Variants in SIGIRR observed in about 807,000 individuals in gnomAD.
The protein encoded by SIGIRR is single Ig IL-1-related receptor.
A neutral mutation model predicts 45.6 loss-of-function variants in SIGIRR; 41 were observed. The ratio of observed to expected loss-of-function variants is 0.90; its 90% CI spans 0.70 to 1.17. The LOEUF (loss-of-function observed/expected upper bound fraction) is 1.17. Among genes scored for constraint, SIGIRR ranks in the 50% most tolerant of loss-of-function variants. The pLI, the probability that SIGIRR is intolerant of heterozygous loss-of-function variation, is 0.00. For synonymous variants in SIGIRR, 298 were observed against 239.0 expected, an observed-to-expected ratio of 1.25 and a Z score of -2.28; for missense variants, 599 against 539.6, an observed-to-expected ratio of 1.11 and a Z score of -1.09.
chr11:412,936 C>G (rs991673977), intron 1 of SIGIRR, among the ~76,000 whole-genome samples: 1 of 152,184 alleles, frequency 6.6e-6, no homozygotes, highest in Non-Finnish European at 1.5e-5. Flanking sequence ...CCACACACAC[C>G]TCAAGTCTCC....
chr11:409,985 G>C lies in SIGIRR; in HGVS notation c.-111C>G. ...CAAGAGCTGGGCAGGACTCCTCTCT[G>C]TCCTTGCAGTCAGCTGGACAGGGCA... On this transcript the variant is annotated 5_prime_UTR_variant, in exon 2 of 10. Transcript: ENST00000431843. The C allele has an allele frequency of 8.0e-7, 1 of 1,248,378 alleles. No homozygotes were observed. The allele number at this position is 1,248,378 out of a possible 1,614,324, so 77.3% of individuals were successfully genotyped here.
chr11:405,773 T>C lies in SIGIRR; in HGVS notation c.*123A>G, dbSNP rs112070849. ...GGGAGGCGCCCTGAGGCCACAGCCTTTTCCCAGGGCTGCTGGCAGGGTCCC... is the reference window on the plus strand; with the variant it reads ...GGGAGGCGCCCTGAGGCCACAGCCTCTTCCCAGGGCTGCTGGCAGGGTCCC... On this transcript the variant is annotated 3_prime_UTR_variant, in exon 10 of 10. Coordinates refer to ENST00000431843, the MANE Select transcript of SIGIRR (RefSeq NM_001135054.2). 2 of 1,270,282 alleles carry C rather than the reference T, an allele frequency of 1.6e-6. No homozygotes were observed. The highest frequency in any genetic ancestry group is 2.1e-6 in the Non-Finnish European group (2 of 936,302). The allele number at this position is 1,270,282 out of a possible 1,614,324, so 78.7% of individuals were successfully genotyped here. A position where few individuals can be genotyped will look rare whatever the true frequency, so the allele number is the denominator to read the frequency against.
In SIGIRR at chr11:407,115, G is replaced by GTCCTC; in HGVS notation, c.674_675insGAGGA (p.Ile225MetfsTer11). On this transcript the variant is annotated frameshift_variant, in exon 7 of 10. Coordinates refer to ENST00000431843, the MANE Select transcript of SIGIRR (RefSeq NM_001135054.2). LOFTEE classifies it high-confidence loss of function. ...TCAGGAAGGCGTCCGAAAGCACCAC[G>GTCCTC]ATGAGGCGTCGGCAGCGGCTCAGGT... 6.5e-7 allele frequency: 1 copy of GTCCTC among 1,544,496 alleles called. No individual in the cohort carries two copies.
In SIGIRR at chr11:408,962, G is replaced by C. The variant is rs527529678; in HGVS notation, c.8-69C>G. 14 of 1,440,376 alleles carry C rather than the reference G, an allele frequency of 9.7e-6. No individual in the cohort carries two copies. The South Asian group carries it at 1.5e-4, about 15-fold the overall frequency. The allele number at this position is 1,440,376 out of a possible 1,614,324, so 89.2% of individuals were successfully genotyped here. On this transcript the variant is annotated intron_variant, in intron 2 of 9. Transcript: ENST00000431843. ...GGCCCCACCACCTCCACAGTGGTCC[G>C]TGGTGCAGGAAGAAATAAGGCCTCT...
At chr11:408,389 C>T (rs1430035851) in intron 3 of SIGIRR, among the ~76,000 whole-genome samples, 183 bp from the exon 4 acceptor site, 1 of 152,170 alleles carries the variant, frequency 6.6e-6, no homozygotes, top group Non-Finnish European at 1.5e-5. Context: ...AACAGCCGTC[C>T]CAGTCCTGGG....
rs140291506 is a variant in SIGIRR, at chr11:405,958, C to G, written c.1171G>C (p.Gly391Arg). Residue 391 changes from glycine (G) to arginine (R), a missense_variant, in exon 10 of 10, where the codon GGC (glycine) becomes CGC (arginine). Gly to Arg is a moderately radical substitution (Grantham distance 125). Transcript: ENST00000431843. ...RSSEVDVSDL[G>R]SRNYSARTDF... is the part of the protein sequence containing the mutation. ...GTGCGGGCACTGTAGTTTCGCGAGC[C>G]GAGATCCGAGACGTCCACTTCGCTG... 8.2e-4 allele frequency: 1,325 copies of G among 1,612,220 alleles called. 2 individuals are homozygous for G. Among genetic ancestry groups the G allele is most frequent in the Non-Finnish European group, 1.0e-3 (1,206 of 1,179,618 alleles).
In SIGIRR at chr11:406,368, C is replaced by G. The variant is rs750225540; in HGVS notation, c.1050G>C (p.Pro350=). The change falls in exon 9 of 10, where the codon CCG becomes CCC. Residue 350 remains proline (P), a synonymous_variant. Coordinates refer to ENST00000431843, the MANE Select transcript of SIGIRR (RefSeq NM_001135054.2). ...EGRALDSEVD[P]DPEGDLGVRG... ...GCATACCCAGGTCGCCCTCAGGGTC[C>G]GGGTCCACCTCTGAGTCCAGGGCCC... The G allele has an allele frequency of 6.2e-7, 1 of 1,612,526 alleles. No individual in the cohort carries two copies. The highest frequency in any genetic ancestry group is 8.5e-7 in the Non-Finnish European group (1 of 1,179,806).
chr11:407,132 G>C lies in SIGIRR; in HGVS notation c.658C>G (p.Arg220Gly), dbSNP rs1404114406. Reference sequence around the variant, plus strand: ...AGCACCACGATGAGGCGTCGGCAGCGGCTCAGGTTCACCAAGAGGTCGGCG... The same window carrying C: ...AGCACCACGATGAGGCGTCGGCAGCCGCTCAGGTTCACCAAGAGGTCGGCG... ...PSADLLVNLS[R>G]CRRLIVVLSD... is the part of the protein sequence containing the mutation. The change falls in exon 7 of 10, where the codon CGC becomes GGC. Residue 220 changes from arginine to glycine, a missense_variant. Physicochemically the swap from Arg to Gly is moderately radical, Grantham distance 125. Coordinates refer to ENST00000431843, the MANE Select transcript of SIGIRR (RefSeq NM_001135054.2). 8 of 1,555,634 alleles carry C rather than the reference G, an allele frequency of 5.1e-6. No homozygotes were observed. Among genetic ancestry groups the C allele is most frequent in the East Asian group, 5.0e-5 (2 of 40,156 alleles).
At chr11:411,714 GT>G (rs551140775) in intron 1 of SIGIRR, among the ~76,000 whole-genome samples, 19 of 39,380 alleles carry the variant, frequency 4.8e-4, no homozygotes, top group African/African-American at 1.4e-3. Context: ...GATACAGTCG[GT>G]GGGGGGGGGG....
At chr11:416,593 C>G (rs1426562119), upstream of SIGIRR, among the ~76,000 whole-genome samples, 1 of 152,166 alleles carries the variant, frequency 6.6e-6, no homozygotes, top group East Asian at 1.9e-4. The surrounding 1 kb of genome is among the most constrained non-coding windows in gnomAD (Gnocchi z 9.1). Flanking sequence ...CGCCCCTGCC[C>G]GGTGGGTTCG....
chr11:407,524 C>A lies in SIGIRR; in HGVS notation c.526G>T (p.Glu176Ter). The A allele has an allele frequency of 1.2e-6, 2 of 1,608,824 alleles. No homozygotes were observed. Among genetic ancestry groups the A allele is most frequent in the Non-Finnish European group, 8.5e-7 (1 of 1,178,260 alleles). Residue 176 changes from glutamate to a stop codon, truncating the protein, a stop_gained, in exon 6 of 10, where the codon GAG (glutamate) becomes TAG (stop). Transcript: ENST00000431843. LOFTEE classifies it high-confidence loss of function. ...ATGAAGTTCACGAACTTGCGGTCCT[C>A]GGGGCAGTCGCTGTAGGAGACGTAG... ...DAYVSYSDCPEDRKFVNFILK... is the reference protein window; with the variant it reads ...DAYVSYSDCP
chr11:405,798 C>CAGGGCTGCTGGCAGGGTCCT lies in SIGIRR; in HGVS notation c.*97_*98insAGGACCCTGCCAGCAGCCCT. 1 of 1,445,880 alleles carries CAGGGCTGCTGGCAGGGTCCT rather than the reference C, an allele frequency of 6.9e-7. No homozygotes were observed. Among genetic ancestry groups the CAGGGCTGCTGGCAGGGTCCT allele is most frequent in the Non-Finnish European group, 9.3e-7 (1 of 1,077,646 alleles). The allele number at this position is 1,445,880 out of a possible 1,614,324, so 89.6% of individuals were successfully genotyped here. The stretch of plus-strand genomic sequence containing the variant: ...TTTCCCAGGGCTGCTGGCAGGGTCC[C>CAGGGCTGCTGGCAGGGTCCT]AGGGCTGCTGGCAGGGGTTGTGGTC... On this transcript the variant is annotated 3_prime_UTR_variant, in exon 10 of 10. Coordinates refer to ENST00000431843, the MANE Select transcript of SIGIRR (RefSeq NM_001135054.2).
Position 406,657 on chromosome 11 carries a change from G to C in SIGIRR, c.880-119C>G. On this transcript the variant is annotated intron_variant, in intron 8 of 9. Transcript: ENST00000431843. ...TTCCACGCCCTGCGACAGCTATTCC[G>C]TGGCTCCGGGGGCCTCAAGGGCGGC... is the stretch of plus-strand genomic sequence containing the variant. 3 of 1,423,668 alleles carry C rather than the reference G, an allele frequency of 2.1e-6. No homozygotes were observed. The South Asian group carries it at 4.3e-5, about 21-fold the overall frequency. The allele number at this position is 1,423,668 out of a possible 1,614,324, so 88.2% of individuals were successfully genotyped here.
In SIGIRR at chr11:405,823, C is replaced by G. The variant is rs1847262205; in HGVS notation, c.*73G>C. On this transcript the variant is annotated 3_prime_UTR_variant, in exon 10 of 10. Coordinates refer to ENST00000431843, the MANE Select transcript of SIGIRR (RefSeq NM_001135054.2). ...CAGGGCTGCTGGCAGGGGTTGTGGT[C>G]CTGTTGAGCAGAGGAGCGACGCCGC... The G allele has an allele frequency of 2.0e-6, 3 of 1,513,902 alleles. No individual in the cohort carries two copies. Among genetic ancestry groups the G allele is most frequent in the Non-Finnish European group, 2.7e-6 (3 of 1,124,216 alleles). The allele number at this position is 1,513,902 out of a possible 1,614,324, so 93.8% of individuals were successfully genotyped here. A position where few individuals can be genotyped will look rare whatever the true frequency, so the allele number is the denominator to read the frequency against.
At chr11:406,618 C>T (rs1478114149) in intron 8 of SIGIRR, 80 bp from the exon 9 acceptor site, 2 of 1,485,026 alleles carry the variant, frequency 1.3e-6, no homozygotes, top group East Asian at 2.4e-5. Flanking sequence ...AGCACACCTG[C>T]GGCTGCCCAC....
Position 406,053 on chromosome 11 carries a change from C to T in SIGIRR, c.1076G>A (p.Arg359Gln), listed in dbSNP as rs371232882. The T allele has an allele frequency of 1.0e-5, 16 of 1,578,626 alleles. 1 individual carries two copies. The highest frequency in any genetic ancestry group is 1.7e-4 in the Middle Eastern group (1 of 6,042). ...TGATGGCTCTCCAAAGACAGGCCCC[C>T]GGACACCTGGGGTGGGGAGACCGAG... ...DPDPEGDLGV[R>Q]GPVFGEPSAP... The change falls in exon 10 of 10, where the codon CGG (arginine) becomes CAG (glutamine). Residue 359 changes from arginine to glutamine, a missense_variant. By Grantham distance (43) the Arg-to-Gln change is conservative. Coordinates refer to ENST00000431843, the MANE Select transcript of SIGIRR (RefSeq NM_001135054.2).
rs1847352956 is a variant in SIGIRR at position 407,094 on chromosome 11, G to A, written c.696C>T (p.Phe232=). ...RRLIVVLSDA[F]LSRAWCSHSF... is the part of the protein sequence containing the mutation. Reference sequence around the variant, plus strand: ...TGTGGCTGCACCAGGCCCGGCTCAGGAAGGCGTCCGAAAGCACCACGATGA... The same window carrying A: ...TGTGGCTGCACCAGGCCCGGCTCAGAAAGGCGTCCGAAAGCACCACGATGA... Residue 232 remains phenylalanine, a synonymous_variant, in exon 7 of 10, where the codon TTC becomes TTT. Transcript: ENST00000431843. The A allele has an allele frequency of 1.9e-6, 3 of 1,545,342 alleles. No individual in the cohort carries two copies. Among genetic ancestry groups the A allele is most frequent in the South Asian group, 1.2e-5 (1 of 82,130 alleles).
upstream of SIGIRR, among the ~76,000 whole-genome samples, chr11:415,623 G>A (rs778040867): frequency 3.9e-4 from 59 of 152,296 alleles, no homozygotes; most frequent in Non-Finnish European, 5.7e-4. The surrounding 1 kb of genome is among the most constrained non-coding windows in gnomAD (Gnocchi z 6.6). Context: ...TAGCTCCCCC[G>A]ATGGGTGAGC....
At position 414,925 on chromosome 11, in the gene SIGIRR, A is replaced by T; in HGVS notation, c.-256T>A. 1.0e-6 allele frequency: 1 copy of T among 968,150 alleles called. No individual in the cohort carries two copies. Among genetic ancestry groups the T allele is most frequent in the Non-Finnish European group, 1.2e-6 (1 of 814,116 alleles). 60.0% of individuals were successfully genotyped at this position (968,150 alleles called of 1,614,324 possible). On this transcript the variant is annotated 5_prime_UTR_variant, in exon 1 of 10. Transcript: ENST00000431843. Reference sequence around the variant, plus strand: ...GGCCCCAGGGAGTGTCCACAGCACCAAGGCTGCTATGGATGCATCGCCAAG... The same window carrying T: ...GGCCCCAGGGAGTGTCCACAGCACCTAGGCTGCTATGGATGCATCGCCAAG...
Sources: allele counts gnomAD v4.1 joint callset (sites outside exome capture counted in the v4.1 genomes callset), GRCh38; gene constraint gnomAD v4.1.1; non-coding constraint Gnocchi (gnomAD v3.1); transcripts MANE v1.5; gene names NCBI Gene and HGNC (gene_info 2026-07-23, HGNC 2026-07-21).